Variants in B4GALNT1 observed in about 807,000 individuals in gnomAD.
The protein encoded by B4GALNT1 is beta-1,4-N-acetyl-galactosaminyltransferase 1.
In B4GALNT1, 43 loss-of-function variants were observed where a neutral mutation model predicts 55.2. The ratio of observed to expected loss-of-function variants is 0.78; its 90% confidence interval spans 0.61 to 1.00. The LOEUF (loss-of-function observed/expected upper bound fraction) is 1.00. Among genes scored for constraint, B4GALNT1 ranks in the 50% least tolerant of loss-of-function variants. The pLI is 0.00. For synonymous variants in B4GALNT1, 305 were observed against 311.6 expected, an observed-to-expected ratio of 0.98 and a Z score of 0.22; for missense variants, 664 against 729.7, an observed-to-expected ratio of 0.91 and a Z score of 1.04.
rs1489707798 is a variant in B4GALNT1 at position 57,625,816 on chromosome 12, A to G, written c.*928T>C. On this transcript the variant is annotated 3_prime_UTR_variant, in exon 11 of 11. Transcript: ENST00000341156. ...GGGTCTGAGGAAGATCAAGAAGAAA[A>G]GGGTGGGGACGGAATGAATAGTAGA... The G allele has an allele frequency of 3.4e-6, 5 of 1,462,836 alleles. No individual in the cohort carries two copies. Among genetic ancestry groups the G allele is most frequent in the African/African-American group, 1.4e-5 (1 of 71,022 alleles). The allele number at this position is 1,462,836 out of a possible 1,614,324, so 90.6% of individuals were successfully genotyped here.
At chr12:57,629,707 A>G (rs1441264600) in intron 6 of B4GALNT1, 6 of 1,329,388 alleles carry the variant, frequency 4.5e-6, no homozygotes, top group Admixed American at 3.1e-5. Flanking sequence ...GAGAAAATAG[A>G]AAGTGCAAAG....
chr12:57,630,200 G>A lies in B4GALNT1; in HGVS notation c.664C>T (p.Leu222=), dbSNP rs751454181. 2.7e-5 allele frequency: 44 copies of A among 1,614,228 alleles called. No homozygotes were observed. The highest frequency in any genetic ancestry group is 3.5e-5 in the Non-Finnish European group (41 of 1,180,028). ...GLDQLNRQLQ[L]VTYSSRSYQT... ...TAGCTTCGGCTGCTGTAAGTGACCA[G>A]TTGTAGTTGCCTGTTGAGTTGGTCC... Residue 222 remains leucine, a synonymous_variant, in exon 6 of 11, where the codon CTG becomes TTG. Coordinates refer to ENST00000341156, the MANE Select transcript of B4GALNT1 (RefSeq NM_001478.5).
Position 57,624,795 on chromosome 12 carries a change from T to A in B4GALNT1, c.*1949A>T, listed in dbSNP as rs748562614. 29 of 1,416,470 alleles carry A rather than the reference T, an allele frequency of 2.0e-5. No individual in the cohort carries two copies. The highest frequency in any genetic ancestry group is 2.7e-5 in the Non-Finnish European group (27 of 1,000,566). The allele number at this position is 1,416,470 out of a possible 1,614,324, so 87.7% of individuals were successfully genotyped here. A position where few individuals can be genotyped will look rare whatever the true frequency, so the allele number is the denominator to read the frequency against. ...AGACCACTCAGAGGAAGCCCCAGGGTGGGTGGGCTGCAGCCAAAGAAGGAA... is the reference window on the plus strand; with the variant it reads ...AGACCACTCAGAGGAAGCCCCAGGGAGGGTGGGCTGCAGCCAAAGAAGGAA... On this transcript the variant is annotated 3_prime_UTR_variant, in exon 11 of 11. Coordinates refer to ENST00000341156, the MANE Select transcript of B4GALNT1 (RefSeq NM_001478.5).
Position 57,631,204 on chromosome 12 carries a change from A to T in B4GALNT1, c.379T>A (p.Ser127Thr). 1 of 1,614,092 alleles carries T rather than the reference A, an allele frequency of 6.2e-7. No homozygotes were observed. The highest frequency in any genetic ancestry group is 1.7e-5 in the Admixed American group (1 of 60,014). ...TREQEFQAFLSRSQSPADQLL... is the reference protein window; with the variant it reads ...TREQEFQAFLTRSQSPADQLL... Reference sequence around the variant, plus strand: ...GCGCTTCTTTCAAGCTGGTACCTCGACAGAAAGGCCTGGAACTCCTGCTCT... The same window carrying T: ...GCGCTTCTTTCAAGCTGGTACCTCGTCAGAAAGGCCTGGAACTCCTGCTCT... The change falls in exon 3 of 11, where the codon TCG becomes ACG. Residue 127 changes from serine (S) to threonine (T), a missense_variant. Ser to Thr is a moderately conservative substitution (Grantham distance 58, BLOSUM62 1). Coordinates refer to ENST00000341156, the MANE Select transcript of B4GALNT1 (RefSeq NM_001478.5).
intron 5 of B4GALNT1, 46 bp downstream of exon 5, chr12:57,630,432 A>G (rs1268290522): frequency 6.3e-7 from 1 of 1,599,458 alleles, no homozygotes; most frequent in Non-Finnish European, 8.5e-7. Context: ...CCCTCCCAGC[A>G]TTCTTGATGC....
rs373627993 is a variant in B4GALNT1, at chr12:57,624,962, G to T, written c.*1782C>A. On this transcript the variant is annotated 3_prime_UTR_variant, in exon 11 of 11. Transcript: ENST00000341156. Reference sequence around the variant, plus strand: ...TCGCTGCAACCTGGAGTGGCACCTGGGGCTCGGAGAAGGAGAAAAGGTGAA... The same window carrying T: ...TCGCTGCAACCTGGAGTGGCACCTGTGGCTCGGAGAAGGAGAAAAGGTGAA... 26 of 1,614,056 alleles carry T rather than the reference G, an allele frequency of 1.6e-5. No individual in the cohort carries two copies. The East Asian group carries it at 5.8e-4, about 36-fold the overall frequency.
At chr12:57,628,089 C>G in intron 9 of B4GALNT1, 33 bp downstream of exon 9, 1 of 1,611,296 alleles carries the variant, frequency 6.2e-7, no homozygotes, top group Non-Finnish European at 8.5e-7. Context: ...CAAGGCCCTT[C>G]TCCACCCCCA....
rs138590413 is a variant in B4GALNT1, at chr12:57,631,371, G to C, written c.219-7C>G. The C allele has an allele frequency of 3.7e-6, 6 of 1,613,874 alleles. No homozygotes were observed. The highest frequency in any genetic ancestry group is 1.3e-5 in the African/African-American group (1 of 74,986). ...GTTGTTCCAAGCCAGCAGCCTGAAG[G>C]GGGTAGGTAGTGAGGGTCATCAGAG... On this transcript the variant is annotated splice_region_variant and splice_polypyrimidine_tract_variant and intron_variant, in intron 2 of 10. Transcript: ENST00000341156.
In B4GALNT1 at chr12:57,626,144, G is replaced by A. The variant is rs189364113; in HGVS notation, c.*600C>T. The A allele has an allele frequency of 5.7e-6, 1 of 175,162 alleles. No homozygotes were observed. Among genetic ancestry groups the A allele is most frequent in the Admixed American group, 5.5e-5 (1 of 18,210 alleles). 10.9% of individuals were successfully genotyped at this position (175,162 alleles called of 1,614,324 possible). On this transcript the variant is annotated 3_prime_UTR_variant, in exon 11 of 11. Transcript: ENST00000341156. Reference sequence around the variant, plus strand: ...CTAATAAAATGAAGCTGAGAGCTTTGGAATCCATGAAGTGAGTCTAGGTGT... The same window carrying A: ...CTAATAAAATGAAGCTGAGAGCTTTAGAATCCATGAAGTGAGTCTAGGTGT...
intron 6 of B4GALNT1, chr12:57,629,647 T>A: frequency 3.8e-6 from 3 of 779,484 alleles, no homozygotes; most frequent in Non-Finnish European, 5.7e-6. Flanking sequence ...GAGATCTAAA[T>A]GACAAGAAGA....
Position 57,625,892 on chromosome 12 carries a change from G to A in B4GALNT1, c.*852C>T, listed in dbSNP as rs549508563. ...GCTGAGCTATGGGTGAGGAACTGAAGAACTCAGATCCCTAAGTAGGTGGGG... is the reference window on the plus strand; with the variant it reads ...GCTGAGCTATGGGTGAGGAACTGAAAAACTCAGATCCCTAAGTAGGTGGGG... On this transcript the variant is annotated 3_prime_UTR_variant, in exon 11 of 11. Transcript: ENST00000341156. The A allele has an allele frequency of 2.2e-6, 2 of 913,112 alleles. No homozygotes were observed. The highest frequency in any genetic ancestry group is 3.6e-5 in the Admixed American group (1 of 27,640). The allele number at this position is 913,112 out of a possible 1,614,324, so 56.6% of individuals were successfully genotyped here.
In B4GALNT1 at chr12:57,625,421, A is replaced by G. The variant is rs1297174678; in HGVS notation, c.*1323T>C. 14 of 1,614,026 alleles carry G rather than the reference A, an allele frequency of 8.7e-6. No homozygotes were observed. The highest frequency in any genetic ancestry group is 1.2e-5 in the Non-Finnish European group (14 of 1,180,026). On this transcript the variant is annotated 3_prime_UTR_variant, in exon 11 of 11. Transcript: ENST00000341156. ...CCCCATCCCTGCAGCTGGCCAGCCG[A>G]TGTCGAGATGCTAGGATCCGCCTCC... is the stretch of plus-strand genomic sequence containing the variant.
chr12:57,632,566 C>T, intron 1 of B4GALNT1: 1 of 247,212 alleles, frequency 4.0e-6, no homozygotes, highest in Non-Finnish European at 8.0e-6. Context: ...CTGCGGAGGG[C>T]GGCTCCACAC....
intron 1 of B4GALNT1, 147 bp from the exon 2 acceptor site, chr12:57,632,280 A>G: frequency 1.2e-6 from 1 of 825,528 alleles, no homozygotes; most frequent in Non-Finnish European, 2.0e-6. Context: ...TTGCACTGCC[A>G]GCCGCGGTTT....
chr12:57,625,093 G>C lies in B4GALNT1; in HGVS notation c.*1651C>G. On this transcript the variant is annotated 3_prime_UTR_variant, in exon 11 of 11. Transcript: ENST00000341156. ...GGGTGCATGTTCATGCTGTGTTTCG[G>C]GAGTGGTGACTGCCCTTCTTTACTT... 2 of 1,614,104 alleles carry C rather than the reference G, an allele frequency of 1.2e-6. No homozygotes were observed. Among genetic ancestry groups the C allele is most frequent in the Non-Finnish European group, 1.7e-6 (2 of 1,180,006 alleles).
chr12:57,629,683 G>T, intron 6 of B4GALNT1: 1 of 1,197,382 alleles, frequency 8.4e-7, no homozygotes, highest in Non-Finnish European at 1.1e-6. Flanking sequence ...ATCTGGGGAA[G>T]AGCATTCCAG....
chr12:57,628,585 C>T, intron 8 of B4GALNT1, 128 bp downstream of exon 8: 1 of 1,178,108 alleles, frequency 8.5e-7, no homozygotes, highest in Non-Finnish European at 1.2e-6. Flanking sequence ...CAGGAATCCT[C>T]ATGCTTAACA....
chr12:57,631,863 C>A, intron 2 of B4GALNT1, 52 bp downstream of exon 2: 1 of 1,354,678 alleles, frequency 7.4e-7, no homozygotes, highest in Non-Finnish European at 9.5e-7. Flanking sequence ...AACAAAAGCC[C>A]CCAGACCACC....
Position 57,630,149 on chromosome 12 carries a change from C to T in B4GALNT1, c.712+3G>A, listed in dbSNP as rs771284427. The stretch of plus-strand genomic sequence containing the variant: ...TGCCCGTCTCTCCACCCAGGCCTTG[C>T]ACCTGTGTCTGCTGTGTTGGTCTGG... On this transcript the variant is annotated splice_donor_region_variant and intron_variant, in intron 6 of 10. Coordinates refer to ENST00000341156, the MANE Select transcript of B4GALNT1 (RefSeq NM_001478.5). 1.8e-5 allele frequency: 29 copies of T among 1,614,262 alleles called. No individual in the cohort carries two copies. The highest frequency in any genetic ancestry group is 2.5e-5 in the Non-Finnish European group (29 of 1,180,050).
Sources: gnomAD v4.1 joint callset for allele counts on GRCh38, gnomAD v4.1.1 for gene constraint, MANE v1.5 for transcripts, NCBI Gene and HGNC (gene_info 2026-07-23, HGNC 2026-07-21) for gene names.